Variants in LOXL2 observed in about 807,000 individuals in gnomAD.
LOXL2 encodes lysyl oxidase like 2.
A neutral mutation model predicts 93.0 loss-of-function variants in LOXL2; 70 were observed. That is an observed-to-expected ratio of 0.75 (90% CI 0.62 to 0.92). The LOEUF (loss-of-function observed/expected upper bound fraction) is 0.92, where lower values mean the gene tolerates loss of function less well. Among genes scored for constraint, LOXL2 ranks in the 40% least tolerant of loss-of-function variants. LOXL2 has a pLI of 0.00. For synonymous variants in LOXL2, 438 were observed against 413.2 expected (o/e 1.06, Z -0.73); for missense variants, 973 against 1,054.9 (o/e 0.92, Z 1.08).
rs375612057 is a variant in LOXL2, at chr8:23,333,649, G to T, written c.744-26C>A. On this transcript the variant is annotated intron_variant, in intron 4 of 13. Coordinates refer to ENST00000389131, the MANE Select transcript of LOXL2 (RefSeq NM_002318.3). ...CTGCAGACGATGGGAGGGGACAGGG[G>T]ACCAGGGCATCATGACGCCTACCCC... 5 of 1,585,242 alleles carry T rather than the reference G, an allele frequency of 3.2e-6. No individual in the cohort carries two copies. The African/African-American group carries it at 5.4e-5, about 17-fold the overall frequency.
At chr8:23,392,298 A>T (rs1254562558) in intron 1 of LOXL2, among the ~76,000 whole-genome samples, 1 of 152,190 alleles carries the variant, frequency 6.6e-6, no homozygotes, top group African/African-American at 2.4e-5. Context: ...CCAGAAGCCT[A>T]AGGAGCAATA....
intron 1 of LOXL2, among the ~76,000 whole-genome samples, chr8:23,382,103 G>T (rs1442675223): frequency 6.6e-6 from 1 of 152,158 alleles, no homozygotes. Context: ...ATGAGCACAG[G>T]CAGAAGTTCT....
chr8:23,356,479 C>T (rs1359259040), intron 3 of LOXL2, among the ~76,000 whole-genome samples: 3 of 152,212 alleles, frequency 2.0e-5, no homozygotes, highest in Admixed American at 2.0e-4. Flanking sequence ...CTCTACCCAT[C>T]AGGCCAGCAC....
At chr8:23,380,024 C>T (rs934072243) in intron 1 of LOXL2, among the ~76,000 whole-genome samples, 10 of 152,192 alleles carry the variant, frequency 6.6e-5, no homozygotes, top group Admixed American at 4.6e-4. Flanking sequence ...CCATCTTCTG[C>T]GTTGCTCACG....
chr8:23,322,341 C>A, intron 6 of LOXL2, 60 bp from the exon 7 acceptor site: 2 of 1,507,496 alleles, frequency 1.3e-6, no homozygotes, highest in South Asian at 1.2e-5. Flanking sequence ...TCTGGAGTGG[C>A]AAGAAAGCCC....
intron 1 of LOXL2, among the ~76,000 whole-genome samples, chr8:23,374,392 T>C (rs1423015215): frequency 6.6e-6 from 1 of 152,162 alleles, no homozygotes; most frequent in East Asian, 1.9e-4. Context: ...CTATTGTGAA[T>C]AGTGCCGCAA....
At chr8:23,341,999 G>A (rs191353388) in intron 3 of LOXL2, among the ~76,000 whole-genome samples, 1 of 152,232 alleles carries the variant, frequency 6.6e-6, no homozygotes, top group East Asian at 1.9e-4. Context: ...ATCTATCTGT[G>A]GAGTAAAGGA....
At chr8:23,317,156 AACTGTC>A in intron 8 of LOXL2, 42 bp from the exon 9 acceptor site, 1 of 1,590,260 alleles carries the variant, frequency 6.3e-7, no homozygotes, top group South Asian at 1.1e-5. Flanking sequence ...CATCATCTCA[AACTGTC>A]ACTTTCTCAT....
chr8:23,310,000 T>TC (rs1169441144), intron 9 of LOXL2, 89 bp from the exon 10 acceptor site: 1 of 1,354,272 alleles, frequency 7.4e-7, no homozygotes, highest in Non-Finnish European at 9.7e-7. Context: ...AAACCCCCTC[T>TC]CCTGCCTACC....
At position 23,368,143 on chromosome 8, in the gene LOXL2, C is replaced by T. The variant is rs1392817434; in HGVS notation, c.209G>A (p.Gly70Asp). 1 of 1,614,134 alleles carries T rather than the reference C, an allele frequency of 6.2e-7. No individual in the cohort carries two copies. ...LAGQKRKHSE[G>D]RVEVYYDGQW... ...GCCATCATAGTACACCTCCACCCGG[C>T]CCTCGCTGTGCTTCCTCTTCTGCCC... Residue 70 changes from glycine (G) to aspartate (D), a missense_variant, in exon 2 of 14, where the codon GGC becomes GAC. By Grantham distance (94) the Gly-to-Asp change is moderately conservative (BLOSUM62 -1). Coordinates refer to ENST00000389131, the MANE Select transcript of LOXL2 (RefSeq NM_002318.3).
Position 23,402,011 on chromosome 8 carries a change from T to C in LOXL2, c.-84+1943A>G, listed in dbSNP as rs533514108. Reference sequence around the variant, plus strand: ...ATGCACATGCATGCACAAACACACATATACATATACACACGTGCACACATG... The same window carrying C: ...ATGCACATGCATGCACAAACACACACATACATATACACACGTGCACACATG... On this transcript the variant is annotated intron_variant, in intron 1 of 13. Coordinates refer to ENST00000389131, the MANE Select transcript of LOXL2 (RefSeq NM_002318.3). Among the ~76,000 whole-genome samples the C allele has an allele frequency of 1.8e-4, 27 of 152,322 alleles. 1 individual carries two copies. In the East Asian group the frequency reaches 5.2e-3, roughly 29 times the overall value.
Position 23,309,904 on chromosome 8 carries a change from A to G in LOXL2, c.1644T>C (p.Pro548=). ...GAGVACSETA[P]DLVLNAEMVQ... is the part of the protein sequence containing the mutation. ...CCATCTCCGCATTGAGGACCAGGTC[A>G]GGGGCGGCTGCGGAGGATGGCATGC... The change falls in exon 10 of 14, where the codon CCT becomes CCC. Residue 548 remains proline (P), a synonymous_variant. Transcript: ENST00000389131. 6 of 1,494,678 alleles carry G rather than the reference A, an allele frequency of 4.0e-6. No individual in the cohort carries two copies. The highest frequency in any genetic ancestry group is 1.4e-5 in the African/African-American group (1 of 70,722). 92.6% of individuals were successfully genotyped at this position (1,494,678 alleles called of 1,614,324 possible).
intron 3 of LOXL2, among the ~76,000 whole-genome samples, chr8:23,343,871 T>C (rs571345766): frequency 2.6e-5 from 4 of 152,224 alleles, no homozygotes; most frequent in African/African-American, 7.2e-5. Context: ...CTTCTGTCTC[T>C]TCCCACCTCG....
At chr8:23,344,009 G>A (rs143437133) in intron 3 of LOXL2, among the ~76,000 whole-genome samples, 1 of 152,328 alleles carries the variant, frequency 6.6e-6, no homozygotes, top group East Asian at 1.9e-4. Context: ...CCTTTCCCCT[G>A]CGTTGGGCAG....
intron 1 of LOXL2, among the ~76,000 whole-genome samples, chr8:23,389,802 G>A (rs150512809): frequency 1.3e-5 from 2 of 152,222 alleles, no homozygotes; most frequent in Non-Finnish European, 2.9e-5. Flanking sequence ...TTGCTTGCCT[G>A]GCCTCCGGCA....
intron 9 of LOXL2, among the ~76,000 whole-genome samples, chr8:23,310,153 C>A (rs770915998): frequency 3.3e-5 from 5 of 152,254 alleles, no homozygotes; most frequent in Non-Finnish European, 7.3e-5. Flanking sequence ...TAAAATCTCA[C>A]ACACCTGGTC....
chr8:23,300,108 G>T (rs1466453165), intron 12 of LOXL2, among the ~76,000 whole-genome samples: 2 of 152,250 alleles, frequency 1.3e-5, no homozygotes, highest in Non-Finnish European at 2.9e-5. Context: ...AAGGCCTCCA[G>T]CTGTGCAGGC....
intron 3 of LOXL2, among the ~76,000 whole-genome samples, chr8:23,344,361 T>C (rs368344458): frequency 6.6e-5 from 10 of 152,096 alleles, no homozygotes; most frequent in African/African-American, 2.4e-4. Context: ...TGTATGTGCA[T>C]GGTGGTGTGT....
At chr8:23,328,243 T>A (rs1803616074) in intron 6 of LOXL2, 139 bp downstream of exon 6, 1 of 839,818 alleles carries the variant, frequency 1.2e-6, no homozygotes, top group Admixed American at 2.1e-5. Context: ...GGGAGAGGCC[T>A]GGGATTCTCT....
Sources: gnomAD v4.1 joint callset for allele counts (sites outside exome capture counted in the v4.1 genomes callset) on GRCh38, gnomAD v4.1.1 for gene constraint, MANE v1.5 for transcripts, NCBI Gene and HGNC (gene_info 2026-07-23, HGNC 2026-07-21) for gene names.